Variants in CEP128 observed in about 807,000 individuals in gnomAD.
CEP128 encodes centrosomal protein 128.
In CEP128, 132 loss-of-function variants were observed where a neutral mutation model predicts 156.7. The observed-to-expected ratio is 0.84, with a 90% CI of 0.73 to 0.97. The LOEUF is 0.97. Ranked by LOEUF, CEP128 falls within the 50% of genes least tolerant of loss-of-function variation. CEP128 has a pLI of 0.00. For missense variants in CEP128, 1,252 were observed against 1,281.9 expected, an observed-to-expected ratio of 0.98 and a Z score of 0.36; for synonymous variants, 469 against 448.9, an observed-to-expected ratio of 1.04 and a Z score of -0.57.
intron 13 of CEP128, among the ~76,000 whole-genome samples, chr14:80,827,055 T>A (rs1425575390): frequency 6.6e-6 from 1 of 152,180 alleles, no homozygotes; most frequent in Non-Finnish European, 1.5e-5. Flanking sequence ...CATTGTTTTT[T>A]TAAGAGCCAT....
chr14:80,949,450 A>C (rs1275294644), intron 2 of CEP128, among the ~76,000 whole-genome samples: 1 of 152,122 alleles, frequency 6.6e-6, no homozygotes, highest in East Asian at 1.9e-4. Flanking sequence ...CACACATGTG[A>C]AAAAAATGAG....
At chr14:80,638,315 G>A (rs1041731367) in intron 19 of CEP128, among the ~76,000 whole-genome samples, 1 of 152,138 alleles carries the variant, frequency 6.6e-6, no homozygotes, top group Non-Finnish European at 1.5e-5. Context: ...GATAATACAT[G>A]TTATATAATT....
At position 80,508,184 on chromosome 14, in the gene CEP128, G is replaced by A. The variant is rs1422176748; in HGVS notation, c.3073-3164C>T. ...ACCTGCCTTGGCCCCCCAAAGTGCT[G>A]GGATTACAGGCGTGAGCCACCGCGC... On this transcript the variant is annotated intron_variant, in intron 23 of 24. Coordinates refer to ENST00000555265, the MANE Select transcript of CEP128 (RefSeq NM_152446.5). 3.9e-5 allele frequency among the ~76,000 whole-genome samples: 6 copies of A among 152,274 alleles called. No individual in the cohort carries two copies. In the South Asian group the frequency reaches 1.0e-3, roughly 26 times the overall value.
At chr14:80,930,512 T>C (rs1266483939) in intron 2 of CEP128, among the ~76,000 whole-genome samples, 2 of 152,196 alleles carry the variant, frequency 1.3e-5, no homozygotes, top group Non-Finnish European at 1.5e-5. Flanking sequence ...CAGCAGAAGA[T>C]GCTAAAAGTG....
intron 19 of CEP128, among the ~76,000 whole-genome samples, chr14:80,742,148 AT>A (rs1898864312): frequency 6.6e-6 from 1 of 152,188 alleles, no homozygotes; most frequent in Non-Finnish European, 1.5e-5. Context: ...CTGTTACAAT[AT>A]TTTTCACACA....
intron 6 of CEP128, among the ~76,000 whole-genome samples, chr14:80,902,476 C>T (rs1883633714): frequency 6.6e-6 from 1 of 152,156 alleles, no homozygotes; most frequent in African/African-American, 2.4e-5. Context: ...TAACAAGTGA[C>T]AGCTACAGAT....
chr14:80,758,229 T>C (rs1288981261), intron 17 of CEP128, among the ~76,000 whole-genome samples: 2 of 152,120 alleles, frequency 1.3e-5, no homozygotes, highest in East Asian at 1.9e-4. Context: ...TTTAAGAAGA[T>C]AGCCTTAACC....
chr14:80,775,710 T>C (rs1900750960), intron 16 of CEP128, among the ~76,000 whole-genome samples: 1 of 152,254 alleles, frequency 6.6e-6, no homozygotes, highest in African/African-American at 2.4e-5. Flanking sequence ...CATAGCAATA[T>C]TAAAATAAAA....
At position 80,865,133 on chromosome 14, in the gene CEP128, G is replaced by T. The variant is rs115589469; in HGVS notation, c.646-2260C>A. Among the ~76,000 whole-genome samples, 204 of 152,012 alleles carry T rather than the reference G, an allele frequency of 1.3e-3. 1 individual carries two copies. The highest frequency in any genetic ancestry group is 4.7e-3 in the African/African-American group (195 of 41,476). The stretch of plus-strand genomic sequence containing the variant: ...CCACCATTCCACTCTCTGCTTCTAC[G>T]AACTAGACTTTTTGGAGTCCACATT... On this transcript the variant is annotated intron_variant, in intron 8 of 24. Transcript: ENST00000555265.
intron 6 of CEP128, among the ~76,000 whole-genome samples, chr14:80,900,679 A>G (rs1226734564): frequency 3.9e-5 from 6 of 152,234 alleles, no homozygotes; most frequent in Non-Finnish European, 1.5e-5. Context: ...AGTATGATAT[A>G]GCAGTGAAAA....
downstream of CEP128, among the ~76,000 whole-genome samples, chr14:80,491,702 C>T (rs769027567): frequency 1.3e-5 from 2 of 152,174 alleles, no homozygotes; most frequent in Non-Finnish European, 2.9e-5. Context: ...TGCACCCAGA[C>T]CCAAACTGCT....
intron 19 of CEP128, among the ~76,000 whole-genome samples, chr14:80,724,860 C>T (rs982598964): frequency 9.3e-5 from 14 of 151,150 alleles, no homozygotes; most frequent in Admixed American, 6.6e-4. Context: ...ATACTCTAGC[C>T]TCCTTGCCTT....
chr14:80,724,956 T>C (rs1055786048), intron 19 of CEP128, among the ~76,000 whole-genome samples: 5 of 147,802 alleles, frequency 3.4e-5, no homozygotes, highest in African/African-American at 1.2e-4. Flanking sequence ...CATACATTTA[T>C]ATATAATATA....
At chr14:80,544,881 G>A (rs2167147) in intron 21 of CEP128, among the ~76,000 whole-genome samples, 68,959 of 151,964 alleles carry the variant, frequency 0.45, 17,418 homozygotes, top group African/African-American at 0.68. Flanking sequence ...GACTTACTAT[G>A]TTTTAAAAAT....
At chr14:80,865,303 CGT>C (rs1887714965) in intron 8 of CEP128, among the ~76,000 whole-genome samples, 2 of 152,080 alleles carry the variant, frequency 1.3e-5, no homozygotes, top group South Asian at 4.1e-4. Flanking sequence ...GGTGTATATA[CGT>C]GTGTATGTGT....
At chr14:80,758,831 A>G (rs7145233) in intron 17 of CEP128, among the ~76,000 whole-genome samples, 50,199 of 152,100 alleles carry the variant, frequency 0.33, 9,559 homozygotes, top group Non-Finnish European at 0.43. Flanking sequence ...ACCTCACTTT[A>G]TCTTCTCAAT....
chr14:80,626,327 G>T (rs903347869), intron 19 of CEP128, among the ~76,000 whole-genome samples: 5 of 151,456 alleles, frequency 3.3e-5, no homozygotes, highest in Non-Finnish European at 7.4e-5. Flanking sequence ...AGCCGGGCGC[G>T]GTGGCGGGCG....
intron 19 of CEP128, among the ~76,000 whole-genome samples, chr14:80,662,591 C>T (rs1468380323): frequency 6.6e-6 from 1 of 151,956 alleles, no homozygotes; most frequent in South Asian, 2.1e-4. Context: ...CACTGCAAAT[C>T]AAGAAAAATG....
chr14:80,947,491 GC>G (rs1886372982), intron 2 of CEP128, among the ~76,000 whole-genome samples: 1 of 152,048 alleles, frequency 6.6e-6, no homozygotes, highest in Non-Finnish European at 1.5e-5. Flanking sequence ...AATATGCTAA[GC>G]CCTTTTGCAA....
Sources: gnomAD v4.1 joint callset for allele counts (sites outside exome capture counted in the v4.1 genomes callset) on GRCh38, gnomAD v4.1.1 for gene constraint, MANE v1.5 for transcripts, NCBI Gene and HGNC (gene_info 2026-07-23, HGNC 2026-07-21) for gene names.